Variants in PCDHB14 observed in about 807,000 individuals in gnomAD.
PCDHB14 encodes protocadherin beta 14, also known as protocadherin beta-14.
For synonymous variants in PCDHB14, 511 were observed against 441.5 expected, an observed-to-expected ratio of 1.16 and a Z score of -1.97; for missense variants, 1,129 against 1,000.5, an observed-to-expected ratio of 1.13 and a Z score of -1.73.
rs1479377864 is a variant in PCDHB14, at chr5:141,225,989, T to C, written c.*87T>C. On this transcript the variant is annotated 3_prime_UTR_variant, in exon 1 of 1. Coordinates refer to ENST00000239449, the MANE Select transcript of PCDHB14 (RefSeq NM_018934.4). The stretch of plus-strand genomic sequence containing the variant: ...ATAATCTTTTGTGGATTCTTGGTTG[T>C]ACTGTAGTTGCATGCATGATTATAG... 3.7e-5 allele frequency: 46 copies of C among 1,228,376 alleles called. No individual in the cohort carries two copies. The highest frequency in any genetic ancestry group is 4.8e-5 in the Non-Finnish European group (42 of 870,006). The allele number at this position is 1,228,376 out of a possible 1,614,324, so 76.1% of individuals were successfully genotyped here. A position where few individuals can be genotyped will look rare whatever the true frequency, so the allele number is the denominator to read the frequency against.
rs1754777856 is a variant in PCDHB14, at chr5:141,224,084, G to A, written c.579G>A (p.Glu193=). The A allele has an allele frequency of 6.2e-7, 1 of 1,614,024 alleles. No homozygotes were observed. The highest frequency in any genetic ancestry group is 8.5e-7 in the Non-Finnish European group (1 of 1,180,022). Residue 193 remains glutamate (E), a synonymous_variant, in exon 1 of 1, where the codon GAG becomes GAA. Coordinates refer to ENST00000239449, the MANE Select transcript of PCDHB14 (RefSeq NM_018934.4). The stretch of plus-strand genomic sequence containing the variant: ...GTAGTGACAGAAAGATATACCCAGA[G>A]CTGGTCCTAGATAGAGCTTTAGATT... ...PDSSDRKIYP[E]LVLDRALDYE...
At position 141,223,727 on chromosome 5, in the gene PCDHB14, T is replaced by C. The variant is rs114982415; in HGVS notation, c.222T>C (p.Tyr74=). The C allele has an allele frequency of 5.2e-4, 837 of 1,614,038 alleles. 3 individuals are homozygous for C. In the African/African-American group the frequency reaches 8.4e-3, roughly 16 times the overall value. Reference sequence around the variant, plus strand: ...TAGTGTCTGATGATAATAAAAAGTATTTGCACCTTGATTTGCTGACTGGGA... The same window carrying C: ...TAGTGTCTGATGATAATAAAAAGTACTTGCACCTTGATTTGCTGACTGGGA... ...ARVVSDDNKK[Y]LHLDLLTGNL... Residue 74 remains tyrosine (Y), a synonymous_variant, in exon 1 of 1, where the codon TAT becomes TAC. Coordinates refer to ENST00000239449, the MANE Select transcript of PCDHB14 (RefSeq NM_018934.4).
At position 141,223,402 on chromosome 5, in the gene PCDHB14, T is replaced by C; in HGVS notation, c.-104T>C. 1.2e-6 allele frequency: 1 copy of C among 803,030 alleles called. No homozygotes were observed. Among genetic ancestry groups the C allele is most frequent in the South Asian group, 1.7e-5 (1 of 57,942 alleles). The allele number at this position is 803,030 out of a possible 1,614,324, so 49.7% of individuals were successfully genotyped here. A position where few individuals can be genotyped will look rare whatever the true frequency, so the allele number is the denominator to read the frequency against. ...AAAGGAGCTTCGCCTACAGAGCTGC[T>C]GGAGGATACACTCTCCAGGGGGTTC... On this transcript the variant is annotated 5_prime_UTR_variant, in exon 1 of 1. Transcript: ENST00000239449.
chr5:141,224,241 C>T lies in PCDHB14; in HGVS notation c.736C>T (p.Leu246Phe). The T allele has an allele frequency of 6.2e-7, 1 of 1,613,558 alleles. No individual in the cohort carries two copies. Among genetic ancestry groups the T allele is most frequent in the Non-Finnish European group, 8.5e-7 (1 of 1,179,704 alleles). ...NDNAPEFPQS[L>F]YEVQVPEDRP... is the part of the protein sequence containing the mutation. ...TAATGCCCCTGAGTTTCCTCAGAGT[C>T]TCTATGAGGTGCAAGTCCCCGAGGA... The change falls in exon 1 of 1, where the codon CTC (leucine) becomes TTC (phenylalanine). Residue 246 changes from leucine to phenylalanine, a missense_variant. By Grantham distance (22) the Leu-to-Phe change is conservative. Coordinates refer to ENST00000239449, the MANE Select transcript of PCDHB14 (RefSeq NM_018934.4).
rs1554289255 is a variant in PCDHB14 at position 141,224,839 on chromosome 5, A to G, written c.1334A>G (p.Asn445Ser). ...ATAACCGTGCTGCTCTCTGACGTCAATGACAACGCCCCCACCTTCACCCAA... is the reference window on the plus strand; with the variant it reads ...ATAACCGTGCTGCTCTCTGACGTCAGTGACAACGCCCCCACCTTCACCCAA... ...YNITVLLSDV[N>S]DNAPTFTQTS... Residue 445 changes from asparagine (N) to serine (S), a missense_variant, in exon 1 of 1, where the codon AAT becomes AGT. Coordinates refer to ENST00000239449, the MANE Select transcript of PCDHB14 (RefSeq NM_018934.4). 1.9e-6 allele frequency: 3 copies of G among 1,613,942 alleles called. No homozygotes were observed. Among genetic ancestry groups the G allele is most frequent in the Non-Finnish European group, 2.5e-6 (3 of 1,180,016 alleles).
Position 141,225,047 on chromosome 5 carries a change from T to C in PCDHB14, c.1542T>C (p.Phe514=), listed in dbSNP as rs782244911. The change falls in exon 1 of 1, where the codon TTT becomes TTC. Residue 514 remains phenylalanine (F), a synonymous_variant. Coordinates refer to ENST00000239449, the MANE Select transcript of PCDHB14 (RefSeq NM_018934.4). ...VSINADNGHL[F]ALRSLDYEAL... ...TCAACGCGGACAATGGCCACCTGTT[T>C]GCCCTCAGGTCGCTGGACTACGAGG... 7.4e-5 allele frequency: 119 copies of C among 1,612,412 alleles called. No individual in the cohort carries two copies. The highest frequency in any genetic ancestry group is 9.8e-5 in the Non-Finnish European group (116 of 1,179,958).
rs782079731 is a variant in PCDHB14, at chr5:141,223,897, C to T, written c.392C>T (p.Pro131Leu). The T allele has an allele frequency of 1.9e-6, 3 of 1,613,716 alleles. No individual in the cohort carries two copies. The highest frequency in any genetic ancestry group is 3.3e-5 in the Admixed American group (2 of 59,974). The change falls in exon 1 of 1, where the codon CCT becomes CTT. Residue 131 changes from proline to leucine, a missense_variant. Physicochemically the swap from Pro to Leu is moderately conservative, Grantham distance 98. Transcript: ENST00000239449. ...LCVKDINDHS[P>L]TFLDKEILIK... ...GTCAAAGACATAAATGATCACTCCC[C>T]TACATTTCTAGACAAGGAAATACTT...
rs1754792859 is a variant in PCDHB14 at position 141,224,501 on chromosome 5, C to G, written c.996C>G (p.Thr332=). 1.2e-6 allele frequency: 2 copies of G among 1,613,274 alleles called. No individual in the cohort carries two copies. The highest frequency in any genetic ancestry group is 1.7e-6 in the Non-Finnish European group (2 of 1,179,788). The change falls in exon 1 of 1, where the codon ACC becomes ACG. Residue 332 remains threonine, a synonymous_variant. Transcript: ENST00000239449. ...TDGGGLSGKC[T]LLVKVMDIND... is the part of the protein sequence containing the mutation. ...GTGGGGGTCTTTCAGGAAAATGCAC[C>G]CTTCTAGTTAAAGTTATGGATATAA...
chr5:141,224,100 G>A lies in PCDHB14; in HGVS notation c.595G>A (p.Ala199Thr). ...KIYPELVLDR[A>T]LDYEQEAELR... ...ATACCCAGAGCTGGTCCTAGATAGA[G>A]CTTTAGATTATGAACAGGAAGCTGA... Residue 199 changes from alanine (A) to threonine (T), a missense_variant, in exon 1 of 1, where the codon GCT (alanine) becomes ACT (threonine). Transcript: ENST00000239449. 6.2e-7 allele frequency: 1 copy of A among 1,613,994 alleles called. No homozygotes were observed. Among genetic ancestry groups the A allele is most frequent in the Non-Finnish European group, 8.5e-7 (1 of 1,180,022 alleles).
At position 141,225,202 on chromosome 5, in the gene PCDHB14, A is replaced by T. The variant is rs1344288430; in HGVS notation, c.1697A>T (p.Gln566Leu). 1 of 1,608,156 alleles carries T rather than the reference A, an allele frequency of 6.2e-7. No individual in the cohort carries two copies. Among genetic ancestry groups the T allele is most frequent in the Non-Finnish European group, 8.5e-7 (1 of 1,179,290 alleles). Residue 566 changes from glutamine (Q) to leucine (L), a missense_variant, in exon 1 of 1, where the codon CAG becomes CTG. By Grantham distance (113) the Gln-to-Leu change is moderately radical (BLOSUM62 -2). Coordinates refer to ENST00000239449, the MANE Select transcript of PCDHB14 (RefSeq NM_018934.4). ...DNSPFVLYPL[Q>L]NGSAPCTELV... is the part of the protein sequence containing the mutation. ...TCGCCCTTCGTGCTGTACCCGCTGC[A>T]GAACGGCTCCGCGCCCTGCACCGAG... is the stretch of plus-strand genomic sequence containing the variant.
chr5:141,224,995 AC>A lies in PCDHB14; in HGVS notation c.1492del (p.Leu498CysfsTer44). 6.2e-7 allele frequency: 1 copy of A among 1,612,458 alleles called. No individual in the cohort carries two copies. On this transcript the variant is annotated frameshift_variant, in exon 1 of 1. Transcript: ENST00000239449. LOFTEE classifies it low-confidence loss of function (END_TRUNC). Reference protein sequence around the residue: ...NYSLLPPQDRHLPLASLVSIN... With the variant: ...NYSLLPPQDRXLPLASLVSIN... ...TCGCTGCTGCCGCCCCAGGACCGGCACCTGCCCCTCGCCTCCTTGGTCTCCA... is the reference window on the plus strand; with the variant it reads ...TCGCTGCTGCCGCCCCAGGACCGGCACTGCCCCTCGCCTCCTTGGTCTCCA...
Position 141,223,915 on chromosome 5 carries a change from A to G in PCDHB14, c.410A>G (p.Glu137Gly). The G allele has an allele frequency of 6.2e-7, 1 of 1,614,000 alleles. No individual in the cohort carries two copies. The highest frequency in any genetic ancestry group is 8.5e-7 in the Non-Finnish European group (1 of 1,179,952). Residue 137 changes from glutamate to glycine, a missense_variant, in exon 1 of 1, where the codon GAA (glutamate) becomes GGA (glycine). Physicochemically the swap from Glu to Gly is moderately conservative, Grantham distance 98. Coordinates refer to ENST00000239449, the MANE Select transcript of PCDHB14 (RefSeq NM_018934.4). Reference sequence around the variant, plus strand: ...CACTCCCCTACATTTCTAGACAAGGAAATACTTATTAAAATATCAGAAGGT... The same window carrying G: ...CACTCCCCTACATTTCTAGACAAGGGAATACTTATTAAAATATCAGAAGGT... ...NDHSPTFLDK[E>G]ILIKISEGTT...
Position 141,225,340 on chromosome 5 carries a change from C to A in PCDHB14, c.1835C>A (p.Pro612His). 6.2e-7 allele frequency: 1 copy of A among 1,603,032 alleles called. No individual in the cohort carries two copies. The highest frequency in any genetic ancestry group is 8.5e-7 in the Non-Finnish European group (1 of 1,179,176). Residue 612 changes from proline to histidine, a missense_variant, in exon 1 of 1, where the codon CCC becomes CAC. By Grantham distance (77) the Pro-to-His change is moderately conservative (BLOSUM62 -2). Transcript: ENST00000239449. ...TACCAGCTGCTCAAGGCCACGGAGC[C>A]CGGGCTGTTCGGCGTGTGGGCGCAC... ...LSYQLLKATE[P>H]GLFGVWAHNG...
In PCDHB14 at chr5:141,225,940, T is replaced by G; in HGVS notation, c.*38T>G. ...TAAATGTCTAATTTTTGGTTATTCT[T>G]GGCAAGCTGATGGTACTTTTTGCAT... is the stretch of plus-strand genomic sequence containing the variant. On this transcript the variant is annotated 3_prime_UTR_variant, in exon 1 of 1. Transcript: ENST00000239449. 6.5e-7 allele frequency: 1 copy of G among 1,544,030 alleles called. No homozygotes were observed. Among genetic ancestry groups the G allele is most frequent in the Non-Finnish European group, 8.8e-7 (1 of 1,136,504 alleles).
In PCDHB14 at chr5:141,225,762, G is replaced by C; in HGVS notation, c.2257G>C (p.Val753Leu). The stretch of plus-strand genomic sequence containing the variant: ...CCTGTCCCAGAGCTACCAATACGAG[G>C]TGTGTCTGACAGGAGGTTCCGGGAC... Reference protein sequence around the residue: ...GTLSQSYQYEVCLTGGSGTNE... With the variant: ...GTLSQSYQYELCLTGGSGTNE... The change falls in exon 1 of 1, where the codon GTG becomes CTG. Residue 753 changes from valine to leucine, a missense_variant. Val to Leu is a conservative substitution (Grantham distance 32). Coordinates refer to ENST00000239449, the MANE Select transcript of PCDHB14 (RefSeq NM_018934.4). The C allele has an allele frequency of 6.2e-7, 1 of 1,614,224 alleles. No homozygotes were observed. The highest frequency in any genetic ancestry group is 8.5e-7 in the Non-Finnish European group (1 of 1,180,046).
chr5:141,226,598 C>T lies in PCDHB14; in HGVS notation c.*696C>T, dbSNP rs2907321. The T allele has an allele frequency of 6.6e-6, 1 of 152,048 alleles. No homozygotes were observed. The highest frequency in any genetic ancestry group is 2.1e-4 in the South Asian group (1 of 4,824). The allele number at this position is 152,048 out of a possible 1,614,324, so 9.4% of individuals were successfully genotyped here. ...ATTTATGTTTTTTGAGACAGGGTCT[C>T]ATTCCATTGACCTGGCTGGAATGCA... On this transcript the variant is annotated 3_prime_UTR_variant, in exon 1 of 1. Transcript: ENST00000239449.
chr5:141,225,532 C>T lies in PCDHB14; in HGVS notation c.2027C>T (p.Ala676Val), dbSNP rs1341429301. 61 of 1,609,530 alleles carry T rather than the reference C, an allele frequency of 3.8e-5. No homozygotes were observed. The highest frequency in any genetic ancestry group is 5.2e-5 in the Non-Finnish European group (61 of 1,179,774). The change falls in exon 1 of 1, where the codon GCG becomes GTG. Residue 676 changes from alanine to valine, a missense_variant. Coordinates refer to ENST00000239449, the MANE Select transcript of PCDHB14 (RefSeq NM_018934.4). ...CAGCCCTACCTGCCGCTCCCTGAGGCGGCCCCGGCCCAGGCCCAGGCCGAC... is the reference window on the plus strand; with the variant it reads ...CAGCCCTACCTGCCGCTCCCTGAGGTGGCCCCGGCCCAGGCCCAGGCCGAC... ...FSQPYLPLPE[A>V]APAQAQADSL...
In PCDHB14 at chr5:141,226,192, T is replaced by C. The variant is rs1225362756; in HGVS notation, c.*290T>C. 1 of 318,404 alleles carries C rather than the reference T, an allele frequency of 3.1e-6. No individual in the cohort carries two copies. The highest frequency in any genetic ancestry group is 6.0e-6 in the Non-Finnish European group (1 of 165,770). The allele number at this position is 318,404 out of a possible 1,614,324, so 19.7% of individuals were successfully genotyped here. On this transcript the variant is annotated 3_prime_UTR_variant, in exon 1 of 1. Transcript: ENST00000239449. ...AAGACCATATTCTCAATTATTTGGA[T>C]ATGCAAACTAAAGTATTAAGAGCTA...
Position 141,224,326 on chromosome 5 carries a change from A to G in PCDHB14, c.821A>G (p.Tyr274Cys), listed in dbSNP as rs568876620. ...GCTAAGGATCTGGATGCAGGAAACT[A>G]TGGAAAAATATCTTACACATTTTTC... ...ISAKDLDAGNYGKISYTFFHA... is the reference protein window; with the variant it reads ...ISAKDLDAGNCGKISYTFFHA... The change falls in exon 1 of 1, where the codon TAT becomes TGT. Residue 274 changes from tyrosine (Y) to cysteine (C), a missense_variant. Tyr to Cys is a radical substitution (Grantham distance 194). Coordinates refer to ENST00000239449, the MANE Select transcript of PCDHB14 (RefSeq NM_018934.4). 3.7e-6 allele frequency: 6 copies of G among 1,613,730 alleles called. No individual in the cohort carries two copies. The South Asian group carries it at 5.5e-5, about 15-fold the overall frequency.
Sources: gnomAD v4.1 joint callset for allele counts on GRCh38, gnomAD v4.1.1 for gene constraint, MANE v1.5 for transcripts, NCBI Gene and HGNC (gene_info 2026-07-23, HGNC 2026-07-21) for gene names.